UNC13C: variants seen among roughly 807,000 people sequenced by gnomAD.
UNC13C encodes the protein unc-13 homolog C, also known as protein unc-13 homolog C.
A neutral mutation model predicts 245.4 loss-of-function variants in UNC13C; 174 were observed. The observed-to-expected ratio is 0.71, with a 90% CI of 0.63 to 0.80. The LOEUF (loss-of-function observed/expected upper bound fraction) is 0.80, where lower values mean the gene tolerates loss of function less well. Ranked by LOEUF, UNC13C falls within the 30% of genes least tolerant of loss-of-function variation. UNC13C has a pLI of 0.00. For missense variants in UNC13C, 2,829 were observed against 2,602.9 expected (o/e 1.09, Z -1.89); for synonymous variants, 992 against 895.1 (o/e 1.11, Z -1.93).
At chr15:54,336,108 C>A (rs1471106403) in intron 16 of UNC13C, among the ~76,000 whole-genome samples, 2 of 151,066 alleles carry the variant, frequency 1.3e-5, no homozygotes, top group Non-Finnish European at 3.0e-5. Flanking sequence ...AAATTTTTAC[C>A]CATATTTATT....
intron 24 of UNC13C, 124 bp from the exon 25 acceptor site, chr15:54,525,425 A>G (rs1038345781): frequency 3.1e-5 from 18 of 583,024 alleles, no homozygotes; most frequent in African/African-American, 1.7e-4. Flanking sequence ...AAAAAAAAAA[A>G]AAGAAGAGAA....
chr15:53,889,919 G>C, the UNC13C span, among the ~76,000 whole-genome samples: 1 of 152,158 alleles, frequency 6.6e-6, no homozygotes, highest in African/African-American at 2.4e-5. Context: ...GATCGTGGTG[G>C]ATAAGCTTTT....
intron 4 of UNC13C, among the ~76,000 whole-genome samples, chr15:54,185,293 C>T (rs1381345406): frequency 2.0e-5 from 3 of 151,924 alleles, no homozygotes; most frequent in East Asian, 3.9e-4. Flanking sequence ...CATCTGTCAA[C>T]TTTGGCTTTT....
At chr15:54,197,619 CTT>C (rs927837707) in intron 4 of UNC13C, among the ~76,000 whole-genome samples, 8 of 152,252 alleles carry the variant, frequency 5.3e-5, no homozygotes, top group African/African-American at 1.9e-4. Context: ...ACATTTAAAA[CTT>C]TGCCTGAAGT....
chr15:54,222,571 T>C (rs1363587640), intron 4 of UNC13C, among the ~76,000 whole-genome samples: 1 of 152,132 alleles, frequency 6.6e-6, no homozygotes, highest in East Asian at 1.9e-4. Context: ...CAGGTATCTC[T>C]TCAGTATACT....
chr15:54,022,715 G>T (rs1895953164), intron 2 of UNC13C, among the ~76,000 whole-genome samples: 1 of 152,240 alleles, frequency 6.6e-6, no homozygotes, highest in African/African-American at 2.4e-5. Flanking sequence ...TCATCTTTCT[G>T]TAAATTGTTT....
At chr15:53,973,835 C>G (rs1405593335), upstream of UNC13C, among the ~76,000 whole-genome samples, 3 of 152,078 alleles carry the variant, frequency 2.0e-5, no homozygotes, top group Non-Finnish European at 4.4e-5. Context: ...AATCATTACC[C>G]AAGCAGAAAT....
chr15:54,394,376 T>G (rs2040027313), intron 18 of UNC13C, among the ~76,000 whole-genome samples: 1 of 151,790 alleles, frequency 6.6e-6, no homozygotes, highest in Non-Finnish European at 1.5e-5. Flanking sequence ...CCTGATGGCC[T>G]TTGTGTTTCC....
At chr15:53,846,409 T>A in the UNC13C span, among the ~76,000 whole-genome samples, 3 of 152,238 alleles carry the variant, frequency 2.0e-5, no homozygotes, top group Non-Finnish European at 2.9e-5. Context: ...ACATCGTTTT[T>A]ATGATAACCA....
chr15:54,283,710 A>G (rs12442349), intron 10 of UNC13C, among the ~76,000 whole-genome samples: 8,006 of 149,604 alleles, frequency 0.054, 448 homozygotes, highest in East Asian at 0.21. Flanking sequence ...GTATATATAT[A>G]TGTGTGTGTG....
chr15:54,472,565 A>G (rs1892519253), intron 19 of UNC13C, among the ~76,000 whole-genome samples: 1 of 151,850 alleles, frequency 6.6e-6, no homozygotes, highest in Admixed American at 6.6e-5. Flanking sequence ...ATGCAGATGT[A>G]CCAGTGATAA....
At chr15:54,469,153 T>G (rs1265279553) in intron 19 of UNC13C, among the ~76,000 whole-genome samples, 1 of 151,530 alleles carries the variant, frequency 6.6e-6, no homozygotes, top group Non-Finnish European at 1.5e-5. Context: ...TTCACCTCCT[T>G]AACTAAATTT....
intron 19 of UNC13C, among the ~76,000 whole-genome samples, chr15:54,492,696 C>T (rs1211252910): frequency 6.6e-6 from 1 of 152,158 alleles, no homozygotes; most frequent in East Asian, 1.9e-4. Flanking sequence ...TGCTGCATTT[C>T]TGCTATCCAA....
At chr15:53,949,623 C>A in the UNC13C span, among the ~76,000 whole-genome samples, 1 of 152,076 alleles carries the variant, frequency 6.6e-6, no homozygotes, top group East Asian at 1.9e-4. Context: ...GAACTATGAG[C>A]ACACCAGGAC....
chr15:54,439,392 T>A (rs924584428), intron 19 of UNC13C, among the ~76,000 whole-genome samples: 9 of 151,976 alleles, frequency 5.9e-5, no homozygotes, highest in African/African-American at 1.7e-4. Flanking sequence ...TAAAATAGGA[T>A]AAAATTCTCT....
chr15:54,146,277 C>A (rs2032253682), intron 4 of UNC13C, among the ~76,000 whole-genome samples: 1 of 152,166 alleles, frequency 6.6e-6, no homozygotes, highest in African/African-American at 2.4e-5. Context: ...TTTTCTATTA[C>A]AATGCTGCTA....
the UNC13C span, among the ~76,000 whole-genome samples, chr15:53,838,857 G>C: frequency 1.3e-5 from 2 of 151,984 alleles, no homozygotes; most frequent in South Asian, 4.1e-4. Context: ...ATGGAGGAGA[G>C]AGAGTTGGTT....
chr15:54,015,494 A>G lies in UNC13C; in HGVS notation c.2591A>G (p.Glu864Gly). ...CCCTATTACTATAAAGCAGAGGATG[A>G]GGAAGATTATACTGAACCAGTGGCT... The part of the protein sequence containing the change: ...TEPYYYKAED[E>G]EDYTEPVADN... Residue 864 changes from glutamate to glycine, a missense_variant, in exon 2 of 33, where the codon GAG (glutamate) becomes GGG (glycine). By Grantham distance (98) the Glu-to-Gly change is moderately conservative (BLOSUM62 -2). Transcript: ENST00000260323. 6.2e-7 allele frequency: 1 copy of G among 1,612,886 alleles called. No homozygotes were observed. Among genetic ancestry groups the G allele is most frequent in the Non-Finnish European group, 8.5e-7 (1 of 1,179,124 alleles).
intron 14 of UNC13C, among the ~76,000 whole-genome samples, chr15:54,324,979 C>T (rs531969706): frequency 6.6e-6 from 1 of 151,962 alleles, no homozygotes; most frequent in East Asian, 1.9e-4. Flanking sequence ...TTTTTTTATT[C>T]CTCATCAGCT....
Sources: allele counts gnomAD v4.1 joint callset (sites outside exome capture counted in the v4.1 genomes callset), GRCh38; gene constraint gnomAD v4.1.1; transcripts MANE v1.5; gene names NCBI Gene and HGNC (gene_info 2026-07-23, HGNC 2026-07-21).